The following DACH2 variants were observed in gnomAD, a reference collection of about 807,000 sequenced individuals.
The protein encoded by DACH2 is dachshund homolog 2.
A neutral mutation model predicts 35.8 loss-of-function variants in DACH2; 17 were observed. That is an observed-to-expected ratio of 0.48 (90% CI 0.33 to 0.71). The LOEUF (loss-of-function observed/expected upper bound fraction) is 0.71. Among genes scored for constraint, DACH2 ranks in the 30% least tolerant of loss-of-function variants. The probability of loss-of-function intolerance (pLI) is 0.02; values close to 1 mark genes in which losing one functional copy is unlikely to be tolerated. For missense variants in DACH2, 469 were observed against 472.7 expected (o/e 0.99, Z 0.07); for synonymous variants, 195 against 177.3 (o/e 1.10, Z -0.79).
chrX:86,809,564 C>G (rs372119079), intron 7 of DACH2, among the ~76,000 whole-genome samples: 3 of 111,779 alleles, frequency 2.7e-5, no homozygotes, highest in East Asian at 5.6e-4. Flanking sequence ...TACACTAAAA[C>G]ATAATACACT....
intron 2 of DACH2, among the ~76,000 whole-genome samples, chrX:86,444,077 G>A (rs2037217829): frequency 9.0e-6 from 1 of 110,960 alleles, no homozygotes; most frequent in Admixed American, 9.7e-5. Context: ...ATTGGTAGTA[G>A]CTGTTTACAT....
rs150893205 is a variant in DACH2, at chrX:86,678,906, C to G, written c.773-16115C>G. Reference sequence around the variant, plus strand: ...ATGAACACAAATTAGATTTCTTGGTCAGAAACAGAGAAGGTGAAAAGTAGA... The same window carrying G: ...ATGAACACAAATTAGATTTCTTGGTGAGAAACAGAGAAGGTGAAAAGTAGA... On this transcript the variant is annotated intron_variant, in intron 4 of 11. Transcript: ENST00000373125. Among the ~76,000 whole-genome samples the G allele has an allele frequency of 6.0e-3, 667 of 111,390 alleles. 7 individuals carry two copies. The highest frequency in any genetic ancestry group is 0.02 in the African/African-American group (613 of 30,700).
At chrX:86,345,689 C>G (rs1303242292) in intron 1 of DACH2, among the ~76,000 whole-genome samples, 4 of 111,810 alleles carry the variant, frequency 3.6e-5, no homozygotes, top group Non-Finnish European at 5.6e-5. Flanking sequence ...AGCCTCAAGT[C>G]ACACAGACTG....
At chrX:86,587,816 G>A (rs1454975826) in intron 3 of DACH2, among the ~76,000 whole-genome samples, 1 of 111,673 alleles carries the variant, frequency 9.0e-6, no homozygotes, top group Non-Finnish European at 1.9e-5. Context: ...TCTATTCTGT[G>A]CATTGGCTGT....
chrX:86,724,229 C>A (rs1461010735), intron 6 of DACH2, among the ~76,000 whole-genome samples: 2 of 111,309 alleles, frequency 1.8e-5, no homozygotes, highest in African/African-American at 6.5e-5. Flanking sequence ...TGATGGAATT[C>A]CATCATGTTG....
chrX:86,730,375 T>C (rs1272877780), intron 6 of DACH2, among the ~76,000 whole-genome samples: 1 of 112,194 alleles, frequency 8.9e-6, no homozygotes, highest in African/African-American at 3.2e-5. Context: ...CTTTATACTT[T>C]ACTTCTATAT....
At chrX:86,787,707 C>T (rs1006504007) in intron 7 of DACH2, among the ~76,000 whole-genome samples, 26 of 109,818 alleles carry the variant, frequency 2.4e-4, no homozygotes, top group South Asian at 3.8e-4. Context: ...GAATGTGAAA[C>T]ATAAATAGGG....
chrX:86,262,971 T>C (rs2033653169), intron 1 of DACH2: 1 of 751,256 alleles, frequency 1.3e-6, no homozygotes, highest in African/African-American at 2.3e-5. Flanking sequence ...CCCAGACATA[T>C]GCACCCAAAG....
intron 3 of DACH2, among the ~76,000 whole-genome samples, chrX:86,621,274 G>C (rs1013553282): frequency 9.0e-6 from 1 of 111,512 alleles, no homozygotes; most frequent in African/African-American, 3.3e-5. Context: ...GCAAAGAAAA[G>C]TGGCACAGTG....
chrX:86,323,069 G>T (rs1273908148), intron 1 of DACH2, among the ~76,000 whole-genome samples: 1 of 112,544 alleles, frequency 8.9e-6, no homozygotes, highest in East Asian at 2.8e-4. Context: ...GGCAGACAAG[G>T]TTCTGCATGG....
At chrX:86,795,522 C>T (rs889108190) in intron 7 of DACH2, among the ~76,000 whole-genome samples, 2 of 111,992 alleles carry the variant, frequency 1.8e-5, no homozygotes, top group Non-Finnish European at 3.8e-5. Flanking sequence ...CGTTAGCCAC[C>T]GCGCCCGGCC....
chrX:86,392,304 A>G (rs1382556829), intron 2 of DACH2, among the ~76,000 whole-genome samples: 1 of 111,631 alleles, frequency 9.0e-6, no homozygotes, highest in Non-Finnish European at 1.9e-5. Flanking sequence ...TGTAGAACAT[A>G]TTGTTTCTGT....
In DACH2 at chrX:86,601,513, T is replaced by G. The variant is rs191879691; in HGVS notation, c.641-49523T>G. Among the ~76,000 whole-genome samples, 506 of 111,907 alleles carry G rather than the reference T, an allele frequency of 4.5e-3. 4 individuals are homozygous for G. Among genetic ancestry groups the G allele is most frequent in the African/African-American group, 0.016 (487 of 30,889 alleles). On this transcript the variant is annotated intron_variant, in intron 3 of 11. Coordinates refer to ENST00000373125, the MANE Select transcript of DACH2 (RefSeq NM_053281.3). ...ATGATGGCCAATGTAGTGGCTAATA[T>G]GGTAACCACTAGCCACAAGTGGTTA... is the stretch of plus-strand genomic sequence containing the variant.
intron 11 of DACH2, chrX:86,829,277 A>C (rs2042590646): frequency 8.9e-6 from 1 of 111,975 alleles, no homozygotes; most frequent in Non-Finnish European, 1.9e-5. Flanking sequence ...AGAAGGATTG[A>C]AGCAAGTCAA....
Position 86,162,804 on chromosome X carries a change from T to G in DACH2, c.488+13696T>G, listed in dbSNP as rs1301032677. ...ACTATTCCTGTTCTGTTTGATTGAT[T>G]CTAGCTTGCCATAACACATTTTTGA... On this transcript the variant is annotated intron_variant, in intron 1 of 11. Coordinates refer to ENST00000373125, the MANE Select transcript of DACH2 (RefSeq NM_053281.3). Among the ~76,000 whole-genome samples, 3 of 111,569 alleles carry G rather than the reference T, an allele frequency of 2.7e-5. No individual in the cohort carries two copies. The East Asian group carries it at 8.5e-4, about 32-fold the overall frequency.
chrX:86,771,107 T>C (rs2041984436), intron 7 of DACH2, among the ~76,000 whole-genome samples: 1 of 113,140 alleles, frequency 8.8e-6, no homozygotes, highest in Non-Finnish European at 1.9e-5. Flanking sequence ...GCGAGGCTTG[T>C]GCTGACATAA....
chrX:86,828,017 T>C (rs2042578455), intron 11 of DACH2: 2 of 305,781 alleles, frequency 6.5e-6, no homozygotes, highest in Non-Finnish European at 5.5e-6. Flanking sequence ...TTACACTTCT[T>C]TAACCTCTTT....
At chrX:86,345,662 A>T (rs964037619) in intron 1 of DACH2, among the ~76,000 whole-genome samples, 1 of 112,071 alleles carries the variant, frequency 8.9e-6, no homozygotes, top group Non-Finnish European at 1.9e-5. Flanking sequence ...TTTTTTAGTA[A>T]ATATAACGGA....
intron 3 of DACH2, among the ~76,000 whole-genome samples, chrX:86,515,654 C>A (rs764134840): frequency 8.9e-6 from 1 of 112,338 alleles, no homozygotes; most frequent in Non-Finnish European, 1.9e-5. Context: ...ACTTTCCTTA[C>A]TGGCTGACAT....
Sources: gnomAD v4.1 joint callset for allele counts (sites outside exome capture counted in the v4.1 genomes callset) on GRCh38, gnomAD v4.1.1 for gene constraint, MANE v1.5 for transcripts, NCBI Gene and HGNC (gene_info 2026-07-23, HGNC 2026-07-21) for gene names.